NPAS3: variants seen among roughly 807,000 people sequenced by gnomAD.
NPAS3 encodes neuronal PAS domain-containing protein 3.
NPAS3 carries 14 observed loss-of-function variants against 73.1 expected under a neutral mutation model. That is an observed-to-expected ratio of 0.19 (90% CI 0.13 to 0.30). The LOEUF (loss-of-function observed/expected upper bound fraction) is 0.30, where lower values mean the gene tolerates loss of function less well. Ranked by LOEUF, NPAS3 falls within the 10% of genes least tolerant of loss-of-function variation. NPAS3 has a pLI of 1.00. For synonymous variants in NPAS3, 620 were observed against 541.5 expected (o/e 1.14, Z -2.01); for missense variants, 1,096 against 1,250.0 (o/e 0.88, Z 1.86).
intron 3 of NPAS3, among the ~76,000 whole-genome samples, chr14:33,250,839 G>A (rs2048557750): frequency 6.6e-6 from 1 of 151,980 alleles, no homozygotes; most frequent in Non-Finnish European, 1.5e-5. Flanking sequence ...AAAAATTCAT[G>A]TGCATACTTG....
chr14:33,161,996 C>T (rs76080722), intron 2 of NPAS3, among the ~76,000 whole-genome samples: 2,043 of 152,322 alleles, frequency 0.013, 42 homozygotes, highest in African/African-American at 0.046. Flanking sequence ...ATAGGCCATA[C>T]TCCTCCAGGG....
At chr14:33,328,178 T>TGGA (rs1189288879) in intron 3 of NPAS3, among the ~76,000 whole-genome samples, 6 of 152,108 alleles carry the variant, frequency 3.9e-5, no homozygotes, top group African/African-American at 1.4e-4. Flanking sequence ...CATTTTATGT[T>TGGA]GGAAACTGTG....
chr14:33,400,531 C>G (rs2047402166), intron 4 of NPAS3, among the ~76,000 whole-genome samples: 1 of 152,104 alleles, frequency 6.6e-6, no homozygotes. Context: ...GAGGTATAGT[C>G]TTGCTGTGAA....
intron 1 of NPAS3, among the ~76,000 whole-genome samples, chr14:33,048,959 T>C (rs1006635535): frequency 1.3e-5 from 2 of 152,216 alleles, no homozygotes; most frequent in Non-Finnish European, 2.9e-5. Context: ...TTCAGCTCCT[T>C]TCAAGACACT....
intron 7 of NPAS3, among the ~76,000 whole-genome samples, chr14:33,758,051 A>G (rs2062169343): frequency 6.6e-6 from 1 of 152,134 alleles, no homozygotes; most frequent in Non-Finnish European, 1.5e-5. Flanking sequence ...CACACTCCTA[A>G]ATCTCAGGTG....
intron 5 of NPAS3, among the ~76,000 whole-genome samples, chr14:33,604,437 G>A (rs1488621324): frequency 6.6e-6 from 1 of 152,000 alleles, no homozygotes; most frequent in Non-Finnish European, 1.5e-5. Flanking sequence ...ATAATAAAAA[G>A]GAACTATTTC....
chr14:33,094,468 AT>A (rs373938530), intron 2 of NPAS3, among the ~76,000 whole-genome samples: 494 of 141,750 alleles, frequency 3.5e-3, no homozygotes, highest in African/African-American at 6.0e-3. Context: ...ATGATAAAGG[AT>A]TTTTTTTTTT....
chr14:33,491,615 CA>C (rs2051904398), intron 4 of NPAS3, among the ~76,000 whole-genome samples: 2 of 152,234 alleles, frequency 1.3e-5, no homozygotes, highest in Middle Eastern at 3.4e-3. Flanking sequence ...ATCATAATCA[CA>C]AAACTTTTAA....
intron 2 of NPAS3, among the ~76,000 whole-genome samples, chr14:33,069,790 T>C (rs920013440): frequency 6.6e-6 from 1 of 152,198 alleles, no homozygotes; most frequent in Non-Finnish European, 1.5e-5. Flanking sequence ...GGATTTAACA[T>C]TTAGAGTGAC....
chr14:33,409,992 C>G (rs151195085), intron 4 of NPAS3, among the ~76,000 whole-genome samples: 1 of 152,258 alleles, frequency 6.6e-6, no homozygotes, highest in East Asian at 1.9e-4. Flanking sequence ...GATTGAAATA[C>G]TCTTCTGCCC....
chr14:33,079,385 C>G (rs146612971), intron 2 of NPAS3, among the ~76,000 whole-genome samples: 2,605 of 143,326 alleles, frequency 0.018, 81 homozygotes, highest in African/African-American at 0.066. Flanking sequence ...GTGGCATGAT[C>G]TCGGCTCACT....
intron 3 of NPAS3, among the ~76,000 whole-genome samples, chr14:33,270,971 A>G (rs2041049147): frequency 6.6e-6 from 1 of 152,180 alleles, no homozygotes; most frequent in African/African-American, 2.4e-5. Context: ...AAGTGACAAA[A>G]GGAAGATTAA....
chr14:33,023,932 T>C (rs2138284664), intron 1 of NPAS3, among the ~76,000 whole-genome samples: 1 of 152,194 alleles, frequency 6.6e-6, no homozygotes, highest in East Asian at 1.9e-4. Context: ...CGACCACTAA[T>C]GTAGGGGTGC....
intron 4 of NPAS3, among the ~76,000 whole-genome samples, chr14:33,409,238 A>C (rs2047807370): frequency 6.6e-6 from 1 of 152,198 alleles, no homozygotes; most frequent in Admixed American, 6.6e-5. Flanking sequence ...ATGGTACAGA[A>C]GGATAGTAAC....
At chr14:33,034,814 GATA>G (rs1307473366) in intron 1 of NPAS3, among the ~76,000 whole-genome samples, 20 of 152,210 alleles carry the variant, frequency 1.3e-4, no homozygotes, top group Admixed American at 1.2e-3. Context: ...GCAAGGAGAG[GATA>G]ATGACTCAAC....
At chr14:33,613,893 C>T (rs951579571) in intron 5 of NPAS3, among the ~76,000 whole-genome samples, 5 of 152,170 alleles carry the variant, frequency 3.3e-5, no homozygotes, top group Admixed American at 2.6e-4. Context: ...TCTCCCCCCT[C>T]TTATAGGGTA....
intron 4 of NPAS3, among the ~76,000 whole-genome samples, chr14:33,523,451 C>CA (rs755370427): frequency 0.035 from 1,602 of 45,746 alleles, 62 homozygotes; most frequent in African/African-American, 0.089. Flanking sequence ...GACTCTGTCT[C>CA]AAAAAAAAAA....
upstream of NPAS3, among the ~76,000 whole-genome samples, chr14:32,938,739 G>A (rs1389220326): frequency 6.6e-6 from 1 of 150,418 alleles, no homozygotes. Context: ...GGTGACGGGG[G>A]ACGGGGGCGG....
intron 5 of NPAS3, among the ~76,000 whole-genome samples, chr14:33,647,292 A>C (rs8016682): frequency 0.5 from 70,349 of 140,718 alleles, 16,662 homozygotes; most frequent in East Asian, 0.66. Flanking sequence ...CTCTCTCTCT[A>C]TATATATATA....
Sources: allele counts gnomAD v4.1 joint callset (sites outside exome capture counted in the v4.1 genomes callset), GRCh38; gene constraint gnomAD v4.1.1; transcripts MANE v1.5; gene names NCBI Gene and HGNC (gene_info 2026-07-23, HGNC 2026-07-21).